Variants in THSD4 observed in about 807,000 individuals in gnomAD.
The protein encoded by THSD4 is thrombospondin type-1 domain-containing protein 4.
A neutral mutation model predicts 119.0 loss-of-function variants in THSD4; 69 were observed. The observed-to-expected ratio is 0.58, with a 90% CI of 0.48 to 0.71. The LOEUF (loss-of-function observed/expected upper bound fraction) is 0.71, where lower values mean the gene tolerates loss of function less well. Among genes scored for constraint, THSD4 ranks in the 30% least tolerant of loss-of-function variants. The pLI, the probability that THSD4 is intolerant of heterozygous loss-of-function variation, is 0.00. For missense variants in THSD4, 1,393 were observed against 1,391.1 expected (o/e 1.00, Z -0.02); for synonymous variants, 524 against 540.4 (o/e 0.97, Z 0.42).
At chr15:71,180,097 C>T (rs1261356894) in intron 3 of THSD4, among the ~76,000 whole-genome samples, 1 of 131,034 alleles carries the variant, frequency 7.6e-6, no homozygotes, top group Non-Finnish European at 1.6e-5. Context: ...ACATATGTAA[C>T]TAACCTGCAC....
chr15:71,101,736 C>A (rs2096302256), intron 1 of THSD4, among the ~76,000 whole-genome samples: 1 of 148,424 alleles, frequency 6.7e-6, no homozygotes, highest in African/African-American at 2.5e-5. Flanking sequence ...TTTTTTGAGA[C>A]AGAGTCTCAC....
chr15:71,244,575 C>T (rs1176583002), intron 5 of THSD4, among the ~76,000 whole-genome samples: 1 of 152,118 alleles, frequency 6.6e-6, no homozygotes, highest in Non-Finnish European at 1.5e-5. Flanking sequence ...TTTCTAAGGC[C>T]ATTGCTGATC....
At chr15:71,458,737 G>A (rs2047373361) in intron 7 of THSD4, among the ~76,000 whole-genome samples, 1 of 152,166 alleles carries the variant, frequency 6.6e-6, no homozygotes, top group Non-Finnish European at 1.5e-5. Flanking sequence ...GGGAAATAAA[G>A]GTGAGGAAAA....
chr15:71,450,220 A>G (rs4334254), intron 7 of THSD4, among the ~76,000 whole-genome samples: 6,934 of 152,266 alleles, frequency 0.046, 540 homozygotes, highest in African/African-American at 0.16. Flanking sequence ...CTGCGTGTCC[A>G]TATGCCTCAT....
At chr15:71,291,475 A>T (rs1349743127) in intron 6 of THSD4, among the ~76,000 whole-genome samples, 1 of 152,174 alleles carries the variant, frequency 6.6e-6, no homozygotes, top group Non-Finnish European at 1.5e-5. Flanking sequence ...ATTCAGTTCA[A>T]GTCTGAAGGC....
chr15:71,100,974 G>A (rs746003634), intron 1 of THSD4, among the ~76,000 whole-genome samples: 3 of 151,512 alleles, frequency 2.0e-5, no homozygotes, highest in African/African-American at 7.3e-5. Context: ...ACAGTGAGAC[G>A]CTGTCACACA....
chr15:71,250,439 A>G (rs2044247719), intron 5 of THSD4, among the ~76,000 whole-genome samples: 1 of 152,168 alleles, frequency 6.6e-6, no homozygotes, highest in South Asian at 2.1e-4. Flanking sequence ...CTGGACTCAA[A>G]CAATCCTTCT....
At chr15:71,593,736 T>C (rs2049852821) in intron 7 of THSD4, among the ~76,000 whole-genome samples, 1 of 151,634 alleles carries the variant, frequency 6.6e-6, no homozygotes, top group Non-Finnish European at 1.5e-5. Context: ...CCTGTCTCTA[T>C]AGAAAAAAAA....
intron 7 of THSD4, among the ~76,000 whole-genome samples, chr15:71,554,718 A>G (rs932801989): frequency 2.2e-5 from 2 of 91,616 alleles, no homozygotes; most frequent in Non-Finnish European, 4.7e-5. Flanking sequence ...TAAACAACCA[A>G]AAAGTTACCT....
intron 3 of THSD4, among the ~76,000 whole-genome samples, chr15:71,163,790 T>C (rs1448896934): frequency 1.3e-5 from 2 of 150,702 alleles, no homozygotes; most frequent in Non-Finnish European, 3.0e-5. Flanking sequence ...AGCATTTTCA[T>C]AGTCTTCACT....
intron 6 of THSD4, among the ~76,000 whole-genome samples, chr15:71,357,589 C>T (rs2045835902): frequency 6.6e-6 from 1 of 152,170 alleles, no homozygotes; most frequent in African/African-American, 2.4e-5. Context: ...CTCCCTTTCC[C>T]CTCCTGGCTC....
intron 8 of THSD4, among the ~76,000 whole-genome samples, chr15:71,692,602 G>C (rs1274309796): frequency 6.6e-6 from 1 of 152,176 alleles, no homozygotes; most frequent in Non-Finnish European, 1.5e-5. Context: ...CTCTCAAGTT[G>C]TTCAACTCTG....
intron 6 of THSD4, among the ~76,000 whole-genome samples, chr15:71,381,642 T>G (rs998986772): frequency 1.3e-5 from 2 of 152,162 alleles, no homozygotes; most frequent in Non-Finnish European, 2.9e-5. Context: ...ACAAAAGACT[T>G]AACATGTCCA....
At chr15:71,695,502 A>ATGTGTGTGTG (rs3086738) in intron 8 of THSD4, among the ~76,000 whole-genome samples, 2,209 of 144,104 alleles carry the variant, frequency 0.015, 36 homozygotes, top group East Asian at 0.038. Flanking sequence ...GTGTGTGTGC[A>ATGTGTGTGTG]TGTGTGTGTG....
At chr15:71,531,471 C>T (rs1191708106) in intron 7 of THSD4, among the ~76,000 whole-genome samples, 4 of 152,186 alleles carry the variant, frequency 2.6e-5, no homozygotes, top group Non-Finnish European at 5.9e-5. Context: ...ATTCAAGACA[C>T]ATTTCAAAAA....
At chr15:71,316,157 A>G (rs2045184277) in intron 6 of THSD4, among the ~76,000 whole-genome samples, 1 of 152,114 alleles carries the variant, frequency 6.6e-6, no homozygotes. Context: ...GTTACACACC[A>G]CTTGATTCAG....
chr15:71,478,817 TG>T (rs1412803988), intron 7 of THSD4, among the ~76,000 whole-genome samples: 1 of 152,200 alleles, frequency 6.6e-6, no homozygotes, highest in African/African-American at 2.4e-5. Flanking sequence ...TTCCAGACAC[TG>T]GGCAAAGTGT....
At chr15:71,261,850 T>C (rs1161976876) in intron 6 of THSD4, among the ~76,000 whole-genome samples, 2 of 152,242 alleles carry the variant, frequency 1.3e-5, no homozygotes, top group African/African-American at 4.8e-5. Flanking sequence ...CTGACATTGA[T>C]ATTTTTCACA....
At chr15:71,707,767 T>A (rs187647102) in intron 8 of THSD4, among the ~76,000 whole-genome samples, 1 of 152,334 alleles carries the variant, frequency 6.6e-6, no homozygotes, top group African/African-American at 2.4e-5. Flanking sequence ...CAGGCTGGCT[T>A]TAAGTAATGA....
Sources: allele counts gnomAD v4.1 joint callset (sites outside exome capture counted in the v4.1 genomes callset), GRCh38; gene constraint gnomAD v4.1.1; transcripts MANE v1.5; gene names NCBI Gene and HGNC (gene_info 2026-07-23, HGNC 2026-07-21).